SPAG16: variants seen among roughly 807,000 people sequenced by gnomAD.
The protein encoded by SPAG16 is sperm-associated antigen 16 protein.
A neutral mutation model predicts 80.4 loss-of-function variants in SPAG16; 86 were observed. That is an observed-to-expected ratio of 1.07 (90% CI 0.90 to 1.28). The LOEUF is 1.28. Ranked by LOEUF, SPAG16 falls within the 50% of genes most tolerant of loss-of-function variation. The probability of loss-of-function intolerance (pLI) is 0.00; values close to 1 mark genes in which losing one functional copy is unlikely to be tolerated. For synonymous variants in SPAG16, 294 were observed against 265.9 expected (o/e 1.11, Z -1.03); for missense variants, 870 against 765.3 (o/e 1.14, Z -1.61).
chr2:214,124,529 A>C (rs1349999162), intron 14 of SPAG16, among the ~76,000 whole-genome samples: 4 of 151,912 alleles, frequency 2.6e-5, no homozygotes, highest in Middle Eastern at 3.2e-3. Context: ...TAACAGGGAT[A>C]ATGTCTAATG....
rs542057613 is a variant in SPAG16, at chr2:213,536,485, C to G, written c.1070+46395C>G. ...TCCTATTTCTCCACATCCTCTCCAG[C>G]ACCTGTTGTTTCCTGACTTTTTAAT... On this transcript the variant is annotated intron_variant, in intron 10 of 15. Coordinates refer to ENST00000331683, the MANE Select transcript of SPAG16 (RefSeq NM_024532.5). Among the ~76,000 whole-genome samples the G allele has an allele frequency of 1.7e-4, 26 of 152,306 alleles. No homozygotes were observed. In the East Asian group the frequency reaches 4.2e-3, roughly 25 times the overall value.
intron 10 of SPAG16, among the ~76,000 whole-genome samples, chr2:213,627,377 T>C (rs1048886887): frequency 2.0e-5 from 3 of 152,228 alleles, no homozygotes; most frequent in Admixed American, 2.0e-4. Flanking sequence ...TGATTATTAT[T>C]AAACTACAGT....
At chr2:213,662,336 T>C (rs1429058001) in intron 10 of SPAG16, among the ~76,000 whole-genome samples, 2 of 152,054 alleles carry the variant, frequency 1.3e-5, no homozygotes, top group African/African-American at 2.4e-5. Flanking sequence ...AAAGAATTCA[T>C]GGAAAGTGAA....
At chr2:213,636,933 G>A (rs752122159) in intron 10 of SPAG16, among the ~76,000 whole-genome samples, 4 of 152,060 alleles carry the variant, frequency 2.6e-5, no homozygotes, top group Non-Finnish European at 4.4e-5. Flanking sequence ...TATCAATTTG[G>A]TTGCCCTTTA....
chr2:213,958,720 A>G (rs1273862539), intron 12 of SPAG16, among the ~76,000 whole-genome samples: 1 of 152,222 alleles, frequency 6.6e-6, no homozygotes, highest in Non-Finnish European at 1.5e-5. Flanking sequence ...CTGAAGTTAA[A>G]ATAAGACTAG....
At chr2:213,893,138 G>A (rs902612984) in intron 11 of SPAG16, among the ~76,000 whole-genome samples, 2 of 152,190 alleles carry the variant, frequency 1.3e-5, no homozygotes, top group Admixed American at 6.5e-5. Flanking sequence ...TACAAGCCAG[G>A]AAAGAGTAGA....
chr2:214,188,194 T>C (rs927777755), intron 15 of SPAG16, among the ~76,000 whole-genome samples: 1 of 152,142 alleles, frequency 6.6e-6, no homozygotes, highest in Non-Finnish European at 1.5e-5. Context: ...AGAATGAAAG[T>C]CTACAAAGGA....
At chr2:213,419,446 T>C (rs2125429713) in intron 9 of SPAG16, among the ~76,000 whole-genome samples, 1 of 152,220 alleles carries the variant, frequency 6.6e-6, no homozygotes, top group South Asian at 2.1e-4. Context: ...CTAACTGTGG[T>C]CAAATGAATA....
chr2:213,590,837 G>A (rs972844182), intron 10 of SPAG16, among the ~76,000 whole-genome samples: 2 of 152,130 alleles, frequency 1.3e-5, no homozygotes, highest in African/African-American at 4.8e-5. Context: ...TTACCAAAAA[G>A]ACACCTACAC....
chr2:213,974,812 C>T (rs759905036), intron 12 of SPAG16, among the ~76,000 whole-genome samples: 14 of 151,794 alleles, frequency 9.2e-5, no homozygotes, highest in Non-Finnish European at 2.1e-4. Flanking sequence ...ACTTGGCTTG[C>T]CACATAACCA....
At chr2:214,325,177 T>C (rs1257647451) in intron 15 of SPAG16, among the ~76,000 whole-genome samples, 1 of 152,150 alleles carries the variant, frequency 6.6e-6, no homozygotes, top group African/African-American at 2.4e-5. Flanking sequence ...GCTCAACCCT[T>C]TGTACTAACT....
intron 11 of SPAG16, among the ~76,000 whole-genome samples, chr2:213,875,768 T>C (rs1269024099): frequency 1.3e-5 from 2 of 152,152 alleles, no homozygotes; most frequent in East Asian, 3.8e-4. Flanking sequence ...TCCATCATTT[T>C]TGACACTAAA....
chr2:213,436,368 C>T (rs1291944554), intron 9 of SPAG16, among the ~76,000 whole-genome samples: 2 of 152,102 alleles, frequency 1.3e-5, no homozygotes, highest in African/African-American at 2.4e-5. Context: ...ATTTGTTCCC[C>T]ATATGGCAAG....
intron 9 of SPAG16, among the ~76,000 whole-genome samples, chr2:213,381,962 A>G (rs1679821161): frequency 6.6e-6 from 1 of 152,074 alleles, no homozygotes; most frequent in African/African-American, 2.4e-5. Context: ...CAGCGCTCCC[A>G]TTGGAAGACT....
chr2:213,298,596 A>C (rs2062602245), intron 3 of SPAG16, among the ~76,000 whole-genome samples: 1 of 152,218 alleles, frequency 6.6e-6, no homozygotes, highest in Admixed American at 6.5e-5. Context: ...GAATGAAAAA[A>C]CTGAACAAAA....
In SPAG16 at chr2:213,711,603, A is replaced by G. The variant is rs979082501; in HGVS notation, c.1071-150882A>G. ...AATGGTGCAATCTTGGCTCACTGCA[A>G]TTCCACCTCAGGTTCAAGCAATTCA... On this transcript the variant is annotated intron_variant, in intron 10 of 15. Transcript: ENST00000331683. Among the ~76,000 whole-genome samples, 11 of 151,072 alleles carry G rather than the reference A, an allele frequency of 7.3e-5. No homozygotes were observed. In the Admixed American group the frequency reaches 7.3e-4, roughly 10 times the overall value.
At chr2:214,117,557 C>A (rs928106978) in intron 14 of SPAG16, among the ~76,000 whole-genome samples, 2 of 152,040 alleles carry the variant, frequency 1.3e-5, no homozygotes, top group African/African-American at 4.8e-5. Context: ...CAACAACAAC[C>A]AACACTATTG....
intron 10 of SPAG16, among the ~76,000 whole-genome samples, chr2:213,828,471 A>C (rs2073431794): frequency 6.6e-6 from 1 of 152,090 alleles, no homozygotes; most frequent in South Asian, 2.1e-4. Context: ...ACTATTTTGA[A>C]TTCTCTTTCT....
chr2:213,752,134 A>G (rs373354122), intron 10 of SPAG16, among the ~76,000 whole-genome samples: 4 of 152,288 alleles, frequency 2.6e-5, no homozygotes, highest in East Asian at 3.9e-4. Context: ...TCTGAATAAC[A>G]CACGTATTCC....
Sources: allele counts gnomAD v4.1 joint callset (sites outside exome capture counted in the v4.1 genomes callset), GRCh38; gene constraint gnomAD v4.1.1; transcripts MANE v1.5; gene names NCBI Gene and HGNC (gene_info 2026-07-23, HGNC 2026-07-21).